GRIP1: variants seen among roughly 807,000 people sequenced by gnomAD.
GRIP1 encodes glutamate receptor-interacting protein 1.
In GRIP1, 45 loss-of-function variants were observed where a neutral mutation model predicts 129.9. That is an observed-to-expected ratio of 0.35 (90% CI 0.27 to 0.44). GRIP1 has a LOEUF of 0.44. GRIP1 is among the 20% of genes least tolerant of loss of function. GRIP1 has a pLI of 1.00. For synonymous variants in GRIP1, 530 were observed against 520.8 expected (o/e 1.02, Z -0.24); for missense variants, 1,196 against 1,396.8 (o/e 0.86, Z 2.29).
chr12:66,978,771 TCCATTTCCA>T (rs1349855281), intron 1 of GRIP1, among the ~76,000 whole-genome samples: 3 of 152,174 alleles, frequency 2.0e-5, no homozygotes, highest in Admixed American at 2.0e-4. Flanking sequence ...TAAAAAATGC[TCCATTTCCA>T]CCAGATTGGT....
At chr12:66,723,239 T>TTC (rs1555230330) in intron 1 of GRIP1, among the ~76,000 whole-genome samples, 13 of 23,588 alleles carry the variant, frequency 5.5e-4, no homozygotes, top group African/African-American at 1.5e-3. Context: ...TCTCTCTCTC[T>TTC]CTTCCTTCCT....
chr12:66,436,333 A>C (rs2058303836), intron 13 of GRIP1, among the ~76,000 whole-genome samples: 1 of 152,180 alleles, frequency 6.6e-6, no homozygotes, highest in South Asian at 2.1e-4. Flanking sequence ...TGGGGGCTCC[A>C]TAATGATGGC....
At chr12:66,432,065 T>A (rs1295447426) in intron 14 of GRIP1, among the ~76,000 whole-genome samples, 1 of 152,086 alleles carries the variant, frequency 6.6e-6, no homozygotes, top group Non-Finnish European at 1.5e-5. Context: ...TTAAATAGAT[T>A]ATAAAAACTT....
intron 1 of GRIP1, among the ~76,000 whole-genome samples, chr12:66,784,753 T>C (rs189388583): frequency 6.6e-6 from 1 of 152,330 alleles, no homozygotes; most frequent in East Asian, 1.9e-4. Context: ...AGCATACTCA[T>C]GGGTTACGCA....
chr12:66,841,677 T>C (rs2039719518), intron 1 of GRIP1, among the ~76,000 whole-genome samples: 1 of 152,130 alleles, frequency 6.6e-6, no homozygotes, highest in Non-Finnish European at 1.5e-5. Context: ...TCATGAAATA[T>C]AAAGGTGTGG....
At chr12:66,847,870 T>C (rs1450302153) in intron 1 of GRIP1, among the ~76,000 whole-genome samples, 1 of 152,206 alleles carries the variant, frequency 6.6e-6, no homozygotes, top group African/African-American at 2.4e-5. Flanking sequence ...AAACTGCAGA[T>C]ACTGGATATG....
chr12:66,887,848 A>G (rs1483897943), intron 1 of GRIP1, among the ~76,000 whole-genome samples: 3 of 152,200 alleles, frequency 2.0e-5, no homozygotes, highest in Non-Finnish European at 4.4e-5. Context: ...CTCCACCAAA[A>G]GAGAAAAAAA....
chr12:66,965,725 C>T lies in GRIP1; in HGVS notation c.58+103325G>A, dbSNP rs540802673. 2.6e-5 allele frequency among the ~76,000 whole-genome samples: 4 copies of T among 152,154 alleles called. No individual in the cohort carries two copies. In the South Asian group the frequency reaches 8.3e-4, roughly 32 times the overall value. ...ATTTTCTCTTTTCATTATGGATGCCCTTTACACATCTCCTCACCTCCTAAC... is the reference window on the plus strand; with the variant it reads ...ATTTTCTCTTTTCATTATGGATGCCTTTTACACATCTCCTCACCTCCTAAC... On this transcript the variant is annotated intron_variant, in intron 1 of 1. Transcript: ENST00000643019.
At chr12:66,955,576 C>T (rs1465047237) in intron 1 of GRIP1, among the ~76,000 whole-genome samples, 3 of 145,420 alleles carry the variant, frequency 2.1e-5, no homozygotes, top group African/African-American at 5.1e-5. Flanking sequence ...GGTGCAATCT[C>T]GGCTCACTGC....
At chr12:66,804,595 A>G (rs1307305750), upstream of GRIP1, among the ~76,000 whole-genome samples, 1 of 152,090 alleles carries the variant, frequency 6.6e-6, no homozygotes, top group Non-Finnish European at 1.5e-5. Context: ...TCACTATCCA[A>G]TATCTCCATC....
chr12:66,756,970 A>G (rs76362528), intron 1 of GRIP1, among the ~76,000 whole-genome samples: 6,431 of 152,308 alleles, frequency 0.042, 217 homozygotes, highest in East Asian at 0.14. Context: ...TTTTGTGAGT[A>G]CAGAGTAGGT....
chr12:66,529,800 T>C lies in GRIP1; in HGVS notation c.502+31A>G, dbSNP rs749388250. The C allele has an allele frequency of 5.1e-6, 6 of 1,182,690 alleles. No homozygotes were observed. In the African/African-American group the frequency reaches 9.0e-5, roughly 18 times the overall value. The allele number at this position is 1,182,690 out of a possible 1,614,324, so 73.3% of individuals were successfully genotyped here. The stretch of plus-strand genomic sequence containing the variant: ...TCTGAAAACCTATGGAAATATTTTT[T>C]TTAAAGTAGATTTTTCTAACCAACA... On this transcript the variant is annotated intron_variant, in intron 5 of 24. Transcript: ENST00000359742.
At chr12:66,556,958 G>A (rs753970209) in intron 2 of GRIP1, among the ~76,000 whole-genome samples, 1 of 151,566 alleles carries the variant, frequency 6.6e-6, no homozygotes, top group African/African-American at 2.4e-5. Context: ...TAACAAAATG[G>A]CAGGAGTAAA....
intron 7 of GRIP1, among the ~76,000 whole-genome samples, chr12:66,505,897 T>A (rs1218911980): frequency 6.6e-6 from 1 of 152,138 alleles, no homozygotes; most frequent in Non-Finnish European, 1.5e-5. Flanking sequence ...ATCAGAACAC[T>A]TGAGCAGACC....
intron 1 of GRIP1, among the ~76,000 whole-genome samples, chr12:66,710,365 C>T (rs963655225): frequency 1.3e-5 from 2 of 152,036 alleles, no homozygotes; most frequent in Admixed American, 1.3e-4. Context: ...TTGTCTAAAC[C>T]ATTCTCAACT....
chr12:66,620,042 T>C (rs1270764193), intron 1 of GRIP1, among the ~76,000 whole-genome samples: 3 of 152,152 alleles, frequency 2.0e-5, no homozygotes, highest in Non-Finnish European at 4.4e-5. Flanking sequence ...ATCCATATAA[T>C]ACAGATAATA....
intron 7 of GRIP1, among the ~76,000 whole-genome samples, chr12:66,503,920 T>A (rs1224965083): frequency 6.6e-6 from 1 of 152,192 alleles, no homozygotes; most frequent in Non-Finnish European, 1.5e-5. Context: ...TTCATAGGGA[T>A]CTTTTTGAGA....
chr12:66,426,532 CTTTG>C (rs2057993333), intron 14 of GRIP1, among the ~76,000 whole-genome samples: 4 of 152,114 alleles, frequency 2.6e-5, no homozygotes, highest in Admixed American at 1.3e-4. Flanking sequence ...ATAGGTTTCT[CTTTG>C]TTTGGTTTGT....
At chr12:66,623,346 A>G (rs1256928820) in intron 1 of GRIP1, among the ~76,000 whole-genome samples, 1 of 152,298 alleles carries the variant, frequency 6.6e-6, no homozygotes, top group Middle Eastern at 3.4e-3. Context: ...TCTTATCTGC[A>G]GTATTCAGGA....
Sources: allele counts gnomAD v4.1 joint callset (sites outside exome capture counted in the v4.1 genomes callset), GRCh38; gene constraint gnomAD v4.1.1; transcripts MANE v1.5; gene names NCBI Gene and HGNC (gene_info 2026-07-23, HGNC 2026-07-21).